Variants in NCKIPSD observed in about 807,000 individuals in gnomAD.
The protein encoded by NCKIPSD is NCK-interacting protein with SH3 domain.
NCKIPSD carries 48 observed loss-of-function variants against 73.4 expected under a neutral mutation model. That is an observed-to-expected ratio of 0.65 (90% CI 0.52 to 0.83). The LOEUF (loss-of-function observed/expected upper bound fraction) is 0.83. Ranked by LOEUF, NCKIPSD falls within the 40% of genes least tolerant of loss-of-function variation. The pLI, the probability that NCKIPSD is intolerant of heterozygous loss-of-function variation, is 0.00. For missense variants in NCKIPSD, 884 were observed against 970.2 expected, an observed-to-expected ratio of 0.91 and a Z score of 1.18; for synonymous variants, 422 against 403.6, an observed-to-expected ratio of 1.05 and a Z score of -0.54.
At chr3:48,678,537 C>A in intron 12 of NCKIPSD, 27 bp downstream of exon 12, 1 of 1,592,022 alleles carries the variant, frequency 6.3e-7, no homozygotes, top group Non-Finnish European at 8.6e-7. Context: ...CACAGTGACC[C>A]CCGCTGCTGC....
Position 48,681,345 on chromosome 3 carries a change from G to A in NCKIPSD, c.1034C>T (p.Ser345Leu), listed in dbSNP as rs1465244567. 18 of 1,610,880 alleles carry A rather than the reference G, an allele frequency of 1.1e-5. No homozygotes were observed. Among genetic ancestry groups the A allele is most frequent in the East Asian group, 2.2e-5 (1 of 44,856 alleles). The change falls in exon 5 of 13, where the codon TCG (serine) becomes TTG (leucine). Residue 345 changes from serine (S) to leucine (L), a missense_variant. Ser to Leu is a moderately radical substitution (Grantham distance 145). Coordinates refer to ENST00000294129, the MANE Select transcript of NCKIPSD (RefSeq NM_016453.4). ...IGIIVGHIQA[S>L]VPASSPVMEQ... is the part of the protein sequence containing the mutation. ...CATGACTGGTGAGCTGGCCGGCACC[G>A]AGGCCTGGATGTGACCCACTATGAT...
intron 1 of NCKIPSD, among the ~76,000 whole-genome samples, chr3:48,683,957 C>A (rs546837861): frequency 7.0e-6 from 1 of 143,620 alleles, no homozygotes; most frequent in African/African-American, 2.6e-5. Flanking sequence ...GGAGAGGAGA[C>A]AGGGGGATAG....
At position 48,682,110 on chromosome 3, in the gene NCKIPSD, G is replaced by A. The variant is rs1237555906; in HGVS notation, c.533C>T (p.Ala178Val). The change falls in exon 4 of 13, where the codon GCA becomes GTA. Residue 178 changes from alanine (A) to valine (V), a missense_variant. Transcript: ENST00000294129. The part of the protein sequence containing the change: ...SQIPPQPRRA[A>V]PTTPPPPVKR... ...CACTGGTGGGGGCGGTGTGGTGGGT[G>A]CTGCTCGGCGAGGCTGTGGTGGGAT... 3 of 1,601,052 alleles carry A rather than the reference G, an allele frequency of 1.9e-6. No homozygotes were observed. Among genetic ancestry groups the A allele is most frequent in the Admixed American group, 1.7e-5 (1 of 59,952 alleles).
Position 48,679,434 on chromosome 3 carries a change from C to CAGA in NCKIPSD, c.1510_1512dup (p.Ser504dup). ...GAGAAGACCATGGCCAGGATGAGGG[C>CAGA]AGAGTAACAGAGTTTCTGGTGGTCT... On this transcript the variant is annotated inframe_insertion, in exon 9 of 13. Transcript: ENST00000294129. 1.2e-6 allele frequency: 2 copies of CAGA among 1,613,298 alleles called. No homozygotes were observed. Among genetic ancestry groups the CAGA allele is most frequent in the Non-Finnish European group, 1.7e-6 (2 of 1,179,502 alleles).
Position 48,682,920 on chromosome 3 carries a change from T to C in NCKIPSD, c.264A>G (p.Glu88=). 1 of 1,551,876 alleles carries C rather than the reference T, an allele frequency of 6.4e-7. No homozygotes were observed. Among genetic ancestry groups the C allele is most frequent in the South Asian group, 1.2e-5 (1 of 84,104 alleles). ...AMRDGGKYSL[E]QRGVLQKLIH... is the part of the protein sequence containing the mutation. ...ACACTCACTGGAGGACTCCACGCTG[T>C]TCCAGGCTGTACTTGCCACCATCCC... Residue 88 remains glutamate (E), a synonymous_variant, in exon 2 of 13, where the codon GAA becomes GAG. Coordinates refer to ENST00000294129, the MANE Select transcript of NCKIPSD (RefSeq NM_016453.4).
intron 5 of NCKIPSD, among the ~76,000 whole-genome samples, chr3:48,680,507 A>G (rs1443860683): frequency 6.6e-6 from 1 of 152,182 alleles, no homozygotes; most frequent in African/African-American, 2.4e-5. Flanking sequence ...TGTCACTGCC[A>G]GAATGTGACT....
chr3:48,683,169 G>T, intron 1 of NCKIPSD, 157 bp from the exon 2 acceptor site: 1 of 1,348,100 alleles, frequency 7.4e-7, no homozygotes, highest in Non-Finnish European at 1.0e-6. Context: ...ATGGAATGGG[G>T]TTCTCAAACT....
At chr3:48,675,525 T>G (rs1559489962) in intron 12 of NCKIPSD, among the ~76,000 whole-genome samples, 1 of 74,430 alleles carries the variant, frequency 1.3e-5, no homozygotes. Context: ...TATATATATA[T>G]ATGATATATA....
rs1236931811 is a variant in NCKIPSD, at chr3:48,685,836, G to A, written c.-29C>T. ...GCCGGGCAGGGCAGGTGCAGGGAAG[G>A]TGGCAAGGGCTGCGGCGCCACAACG... On this transcript the variant is annotated 5_prime_UTR_variant, in exon 1 of 13. Coordinates refer to ENST00000294129, the MANE Select transcript of NCKIPSD (RefSeq NM_016453.4). 3.6e-6 allele frequency: 5 copies of A among 1,402,094 alleles called. No individual in the cohort carries two copies. Among genetic ancestry groups the A allele is most frequent in the South Asian group, 3.1e-5 (2 of 64,712 alleles). The allele number at this position is 1,402,094 out of a possible 1,614,324, so 86.9% of individuals were successfully genotyped here.
At chr3:48,681,194 T>G (rs1026487598) in intron 5 of NCKIPSD, 93 bp downstream of exon 5, 623 of 1,466,008 alleles carry the variant, frequency 4.2e-4, no homozygotes, top group East Asian at 5.6e-4. Context: ...AGCCAGAGCT[T>G]GAGAAATACC....
chr3:48,678,842 G>A (rs2077299235), intron 11 of NCKIPSD, 35 bp downstream of exon 11: 1 of 1,613,654 alleles, frequency 6.2e-7, no homozygotes, highest in Admixed American at 1.7e-5. Flanking sequence ...CACAGGGCAT[G>A]GAAGTGGTAC....
At chr3:48,684,999 C>CA (rs1037046154) in intron 1 of NCKIPSD, among the ~76,000 whole-genome samples, 2 of 151,730 alleles carry the variant, frequency 1.3e-5, no homozygotes, top group African/African-American at 4.8e-5. Context: ...TGGCTGAACA[C>CA]AGGCTAGTGA....
At chr3:48,682,851 C>T in intron 2 of NCKIPSD, 52 bp downstream of exon 2, 1 of 1,522,262 alleles carries the variant, frequency 6.6e-7, no homozygotes, top group Non-Finnish European at 8.9e-7. Context: ...TTGAAGAACC[C>T]CACCCCACCA....
rs1430817450 is a variant in NCKIPSD at position 48,678,729 on chromosome 3, A to G, written c.1800T>C (p.Pro600=). 2 of 1,613,180 alleles carry G rather than the reference A, an allele frequency of 1.2e-6. No individual in the cohort carries two copies. The highest frequency in any genetic ancestry group is 2.2e-5 in the East Asian group (1 of 44,892). The change falls in exon 12 of 13, where the codon CCT becomes CCC. Residue 600 remains proline, a synonymous_variant. Coordinates refer to ENST00000294129, the MANE Select transcript of NCKIPSD (RefSeq NM_016453.4). ...GTGGCTCATGTTTGAAGATGCGCAC[A>G]GGGTCATCTAGGAGGCAGGGGTCAT... ...LLLLLNRGDD[P]VRIFKHEPQP...
Position 48,682,167 on chromosome 3 carries a change from GA to G in NCKIPSD, c.487-12del, listed in dbSNP as rs1201284248. ...AGATGGAAGTGGGATCTGGAAGATG[GA>G]AGTAGGATCTTGGAGGACAGACTGA... On this transcript the variant is annotated splice_polypyrimidine_tract_variant and intron_variant, in intron 3 of 12. Transcript: ENST00000294129. 3.8e-6 allele frequency: 6 copies of G among 1,593,902 alleles called. No homozygotes were observed. The Admixed American group carries it at 1.0e-4, about 27-fold the overall frequency.
At chr3:48,682,672 A>G in intron 2 of NCKIPSD, 120 bp from the exon 3 acceptor site, 2 of 1,226,046 alleles carry the variant, frequency 1.6e-6, no homozygotes, top group Non-Finnish European at 2.3e-6. Flanking sequence ...CATCTCCTCC[A>G]TGCTCCACCC....
chr3:48,676,427 G>A (rs1170340713), intron 12 of NCKIPSD, among the ~76,000 whole-genome samples: 2 of 152,146 alleles, frequency 1.3e-5, no homozygotes, highest in South Asian at 2.1e-4. Context: ...ATCTCTCTGT[G>A]CTTGCTGGAT....
At chr3:48,685,087 T>A (rs540369723) in intron 1 of NCKIPSD, among the ~76,000 whole-genome samples, 1 of 147,862 alleles carries the variant, frequency 6.8e-6, no homozygotes, top group East Asian at 2.0e-4. Flanking sequence ...AGTTGGGGGG[T>A]TGAGGACCTG....
chr3:48,685,516 G>A, intron 1 of NCKIPSD, 121 bp downstream of exon 1: 1 of 1,268,760 alleles, frequency 7.9e-7, no homozygotes, highest in South Asian at 1.6e-5. Flanking sequence ...CAAACTCCCT[G>A]TCTGATAGAG....
Sources: allele counts gnomAD v4.1 joint callset (sites outside exome capture counted in the v4.1 genomes callset), GRCh38; gene constraint gnomAD v4.1.1; transcripts MANE v1.5; gene names NCBI Gene and HGNC (gene_info 2026-07-23, HGNC 2026-07-21).